GIP: variants seen among roughly 807,000 people sequenced by gnomAD.
GIP encodes gastric inhibitory polypeptide.
GIP carries 16 observed loss-of-function variants against 18.1 expected under a neutral mutation model. The observed-to-expected ratio is 0.88, with a 90% CI of 0.60 to 1.34. The LOEUF (loss-of-function observed/expected upper bound fraction) is 1.34, where lower values mean the gene tolerates loss of function less well. GIP is among the 40% of genes most tolerant of loss of function. The pLI is 0.00. For missense variants in GIP, 192 were observed against 183.4 expected (o/e 1.05, Z -0.27); for synonymous variants, 76 against 74.0 (o/e 1.03, Z -0.14).
At chr17:48,968,022 A>T (rs1437727227) in intron 1 of GIP, among the ~76,000 whole-genome samples, 1 of 151,984 alleles carries the variant, frequency 6.6e-6, no homozygotes, top group East Asian at 2.0e-4. Flanking sequence ...AGTGCACTCC[A>T]GCCTGGGTGA....
rs1176783123 is a variant in GIP at position 48,961,828 on chromosome 17, A to G, written c.258-9T>C. ...TGATGTTGTGTTTCCAGCTGGGAAG[A>G]TAAAGATTAGAGAGTGGGCAAGCTG... On this transcript the variant is annotated splice_polypyrimidine_tract_variant and intron_variant, in intron 3 of 5. Coordinates refer to ENST00000357424, the MANE Select transcript of GIP (RefSeq NM_004123.3). 1.2e-6 allele frequency: 2 copies of G among 1,606,362 alleles called. No homozygotes were observed. Among genetic ancestry groups the G allele is most frequent in the Non-Finnish European group, 8.5e-7 (1 of 1,174,904 alleles).
intron 3 of GIP, among the ~76,000 whole-genome samples, chr17:48,963,841 CAAAAAA>C (rs60257330): frequency 2.0e-4 from 7 of 35,890 alleles, no homozygotes; most frequent in Non-Finnish European, 2.5e-4. Flanking sequence ...AACTCTGTCT[CAAAAAA>C]AAAAAAAAAA....
Position 48,960,904 on chromosome 17 carries a change from G to A in GIP, c.434C>T (p.Thr145Ile), listed in dbSNP as rs562762129. Residue 145 changes from threonine to isoleucine, a missense_variant, in exon 5 of 6, where the codon ACA (threonine) becomes ATA (isoleucine). Thr to Ile is a moderately conservative substitution (Grantham distance 89). Transcript: ENST00000357424. ...QELLACLLDQTNLCRLRSR is the reference protein window; with the variant it reads ...QELLACLLDQINLCRLRSR ...CCCCTACCTGAGCCTGCAGAGGTTT[G>A]TCTGATCCAGCAAGCAGGCCAACAG... is the stretch of plus-strand genomic sequence containing the variant. 8.7e-6 allele frequency: 14 copies of A among 1,601,876 alleles called. No homozygotes were observed. The highest frequency in any genetic ancestry group is 1.7e-5 in the Admixed American group (1 of 58,496).
chr17:48,966,449 G>A (rs545688116), intron 2 of GIP, among the ~76,000 whole-genome samples: 31 of 151,144 alleles, frequency 2.1e-4, no homozygotes, highest in Non-Finnish European at 3.8e-4. Context: ...CCAGCTACTC[G>A]GTAAGCTGAG....
chr17:48,965,602 C>T (rs1341737249), intron 2 of GIP, among the ~76,000 whole-genome samples: 3 of 6,228 alleles, frequency 4.8e-4, no homozygotes, highest in East Asian at 4.9e-3. Flanking sequence ...GAGACTCCAT[C>T]TCAAAAAAAA....
Position 48,960,949 on chromosome 17 carries a change from C to A in GIP, c.389G>T (p.Arg130Leu). Residue 130 changes from arginine to leucine, a missense_variant, in exon 5 of 6, where the codon CGG (arginine) becomes CTG (leucine). Coordinates refer to ENST00000357424, the MANE Select transcript of GIP (RefSeq NM_004123.3). The stretch of plus-strand genomic sequence containing the variant: ...CAACAGCTCTTGAATCAGCAAGTCC[C>A]GCAGCAAATCTTCATCGCTGGGGTT... ...AKNPSDEDLLRDLLIQELLAC... is the reference protein window; with the variant it reads ...AKNPSDEDLLLDLLIQELLAC... 1 of 1,609,908 alleles carries A rather than the reference C, an allele frequency of 6.2e-7. No individual in the cohort carries two copies. Among genetic ancestry groups the A allele is most frequent in the Non-Finnish European group, 8.5e-7 (1 of 1,178,452 alleles).
At chr17:48,963,251 G>A (rs1973407) in intron 3 of GIP, among the ~76,000 whole-genome samples, 44,187 of 151,442 alleles carry the variant, frequency 0.29, 6,698 homozygotes, top group Admixed American at 0.4. Context: ...CAGGCTGGGT[G>A]TGGTGGCTCA....
intron 5 of GIP, among the ~76,000 whole-genome samples, 173 bp from the exon 6 acceptor site, chr17:48,958,889 C>G (rs1186297388): frequency 6.7e-6 from 1 of 149,380 alleles, no homozygotes; most frequent in African/African-American, 2.5e-5. Context: ...GAGTCTCGCT[C>G]TGTCGCCCAG....
intron 3 of GIP, among the ~76,000 whole-genome samples, chr17:48,963,697 G>C (rs1256463816): frequency 3.3e-5 from 5 of 151,592 alleles, no homozygotes; most frequent in Non-Finnish European, 7.4e-5. Flanking sequence ...AGCCAGGCGT[G>C]GTGGCACATG....
chr17:48,966,548 C>T (rs956058841), intron 2 of GIP, among the ~76,000 whole-genome samples: 1 of 150,954 alleles, frequency 6.6e-6, no homozygotes, highest in Non-Finnish European at 1.5e-5. Flanking sequence ...CAGAGCGAGA[C>T]TCCATCCCCC....
intron 5 of GIP, among the ~76,000 whole-genome samples, chr17:48,960,327 GCGGGACA>G: frequency 2.5e-5 from 1 of 39,560 alleles, no homozygotes; most frequent in Non-Finnish European, 5.7e-5. Context: ...GTAGGGACAG[GCGGGACA>G]CAGGATGGGC....
chr17:48,964,531 GCTA>G (rs756953144), intron 2 of GIP, 51 bp from the exon 3 acceptor site: 13 of 1,503,814 alleles, frequency 8.6e-6, no homozygotes, highest in Non-Finnish European at 1.1e-5. Flanking sequence ...GAATCACAAT[GCTA>G]GGGTAAATGA....
chr17:48,961,541 G>C (rs2041200420), intron 4 of GIP, among the ~76,000 whole-genome samples, 186 bp downstream of exon 4: 1 of 152,092 alleles, frequency 6.6e-6, no homozygotes, highest in Non-Finnish European at 1.5e-5. Flanking sequence ...TTTCTCCAAG[G>C]CTTCTTCCTT....
Position 48,961,032 on chromosome 17 carries a change from G to A in GIP, c.351-45C>T, listed in dbSNP as rs117649535. 7,567 of 1,314,842 alleles carry A rather than the reference G, an allele frequency of 5.8e-3. 45 individuals carry two copies. Among genetic ancestry groups the A allele is most frequent in the Middle Eastern group, 9.9e-3 (51 of 5,152 alleles). 81.4% of individuals were successfully genotyped at this position (1,314,842 alleles called of 1,614,324 possible). ...GGCTAACTATTTTAGCCTGAGCTTC[G>A]CCCAGAGAGGGTAAACACAGGGTTG... On this transcript the variant is annotated intron_variant, in intron 4 of 5. Transcript: ENST00000357424.
At chr17:48,961,042 G>A in intron 4 of GIP, 55 bp from the exon 5 acceptor site, 1 of 1,226,780 alleles carries the variant, frequency 8.2e-7, no homozygotes. Context: ...GCCCAGAGAG[G>A]GTAAACACAG....
Position 48,964,333 on chromosome 17 carries a change from C to G in GIP, c.234G>C (p.Leu78=). Residue 78 remains leucine (L), a synonymous_variant, in exon 3 of 6, where the codon CTG becomes CTC. Transcript: ENST00000357424. ...IHQQDFVNWL[L]AQKGKKNDWK... is the part of the protein sequence containing the mutation. ...ACTCATTCTTCTTCCCCTTTTGGGC[C>G]AGCAGCCAGTTCACAAAGTCTTGTT... is the stretch of plus-strand genomic sequence containing the variant. 2.5e-6 allele frequency: 4 copies of G among 1,613,786 alleles called. No individual in the cohort carries two copies. Among genetic ancestry groups the G allele is most frequent in the Non-Finnish European group, 3.4e-6 (4 of 1,179,806 alleles).
intron 3 of GIP, 137 bp downstream of exon 3, chr17:48,964,173 A>AAG (rs2041219607): frequency 1.5e-5 from 9 of 593,712 alleles, no homozygotes; most frequent in South Asian, 1.2e-4. Flanking sequence ...AAAAAAAAAA[A>AAG]AAAAGAAAAG....
chr17:48,965,312 A>T (rs1193548747), intron 2 of GIP, among the ~76,000 whole-genome samples: 4 of 150,242 alleles, frequency 2.7e-5, no homozygotes, highest in African/African-American at 9.8e-5. Flanking sequence ...AATAAAAAAA[A>T]AAAAAAAAAA....
chr17:48,963,425 G>A (rs1179859157), intron 3 of GIP, among the ~76,000 whole-genome samples: 7 of 151,966 alleles, frequency 4.6e-5, no homozygotes, highest in African/African-American at 1.7e-4. Flanking sequence ...GGGAGGCTGA[G>A]GTGGGCGGAT....
Sources: allele counts gnomAD v4.1 joint callset (sites outside exome capture counted in the v4.1 genomes callset), GRCh38; gene constraint gnomAD v4.1.1; transcripts MANE v1.5; gene names NCBI Gene and HGNC (gene_info 2026-07-23, HGNC 2026-07-21).